Variants in CPED1 observed in about 807,000 individuals in gnomAD.
CPED1 encodes cadherin like and PC-esterase domain containing 1.
Under a neutral mutation model 128.2 loss-of-function variants are expected in CPED1, and 114 were observed. The observed-to-expected ratio is 0.89, with a 90% confidence interval of 0.76 to 1.04. The LOEUF (loss-of-function observed/expected upper bound fraction) is 1.04. Ranked by LOEUF, CPED1 falls within the 50% of genes least tolerant of loss-of-function variation. The pLI is 0.00. For synonymous variants in CPED1, 462 were observed against 426.7 expected (o/e 1.08, Z -1.02); for missense variants, 1,211 against 1,207.1 (o/e 1.00, Z -0.05).
chr7:121,215,626 ATT>A (rs1247953062), intron 16 of CPED1, among the ~76,000 whole-genome samples: 1 of 152,024 alleles, frequency 6.6e-6, no homozygotes, highest in Non-Finnish European at 1.5e-5. Flanking sequence ...ATTAGTTGAG[ATT>A]TGTCTTCATA....
At chr7:121,284,188 T>C (rs1009848620) in intron 22 of CPED1, among the ~76,000 whole-genome samples, 1 of 152,100 alleles carries the variant, frequency 6.6e-6, no homozygotes, top group East Asian at 1.9e-4. Flanking sequence ...GGGGGAAAAG[T>C]CCCTTATAAA....
chr7:121,260,559 T>C (rs1008967552), intron 18 of CPED1, among the ~76,000 whole-genome samples: 2 of 152,062 alleles, frequency 1.3e-5, no homozygotes, highest in African/African-American at 4.8e-5. Context: ...CTCATCAGTA[T>C]CACTGTAGAG....
intron 16 of CPED1, among the ~76,000 whole-genome samples, chr7:121,148,063 C>T (rs1209893782): frequency 2.6e-5 from 4 of 152,058 alleles, no homozygotes; most frequent in Non-Finnish European, 5.9e-5. Flanking sequence ...GTGCATTTAT[C>T]AGTAATTATT....
At chr7:121,254,662 A>C (rs1042496200) in intron 18 of CPED1, among the ~76,000 whole-genome samples, 2 of 152,038 alleles carry the variant, frequency 1.3e-5, no homozygotes, top group Admixed American at 6.6e-5. Flanking sequence ...TAGACTAACT[A>C]GATTAACAAC....
At chr7:121,100,852 G>T (rs1794832443) in intron 7 of CPED1, among the ~76,000 whole-genome samples, 1 of 152,042 alleles carries the variant, frequency 6.6e-6, no homozygotes, top group Non-Finnish European at 1.5e-5. Context: ...TTCATAAACT[G>T]AATTTTGAAT....
At chr7:121,041,179 G>A (rs963786771) in intron 3 of CPED1, among the ~76,000 whole-genome samples, 1 of 151,748 alleles carries the variant, frequency 6.6e-6, no homozygotes, top group African/African-American at 2.4e-5. Context: ...ACTTGCTTTT[G>A]ATTTAATTAT....
At chr7:121,051,493 A>G (rs1793353875) in intron 4 of CPED1, 1 of 464,912 alleles carries the variant, frequency 2.2e-6, no homozygotes, top group South Asian at 1.6e-5. Flanking sequence ...TTAACATTCC[A>G]TAGATGGGGG....
intron 7 of CPED1, among the ~76,000 whole-genome samples, chr7:121,107,377 G>A (rs994282181): frequency 5.3e-5 from 8 of 152,016 alleles, no homozygotes; most frequent in Non-Finnish European, 1.5e-5. Context: ...AAACCAAGAG[G>A]AAAAATCTAC....
intron 7 of CPED1, among the ~76,000 whole-genome samples, chr7:121,109,754 A>G (rs1341316767): frequency 3.3e-5 from 5 of 152,190 alleles, no homozygotes; most frequent in Admixed American, 1.3e-4. Flanking sequence ...TACTCAGATT[A>G]TCTACATGAA....
intron 3 of CPED1, among the ~76,000 whole-genome samples, chr7:121,044,694 A>G (rs1389426882): frequency 1.0e-5 from 1 of 97,234 alleles, no homozygotes; most frequent in Non-Finnish European, 2.1e-5. Flanking sequence ...TACTTTGAGT[A>G]CAATGTTCTG....
At chr7:121,020,302 A>C (rs1187685807) in intron 3 of CPED1, among the ~76,000 whole-genome samples, 1 of 152,042 alleles carries the variant, frequency 6.6e-6, no homozygotes, top group African/African-American at 2.4e-5. Flanking sequence ...GGCAAACTAT[A>C]GTCCACTGGC....
rs1472490988 is a variant in CPED1, at chr7:121,261,794, AC to A, written c.2311-4431del. The A allele has an allele frequency of 7.4e-6, 11 of 1,477,650 alleles. No homozygotes were observed. The Admixed American group carries it at 8.9e-5, about 12-fold the overall frequency. The allele number at this position is 1,477,650 out of a possible 1,614,324, so 91.5% of individuals were successfully genotyped here. ...GAGTAATAAACTTTAATTGGGTTTG[AC>A]CTATTCCAAGTTTTTTGGGCTATCT... On this transcript the variant is annotated intron_variant, in intron 18 of 22. Transcript: ENST00000310396.
chr7:121,141,072 G>A, intron 15 of CPED1, 59 bp downstream of exon 15: 5 of 1,373,880 alleles, frequency 3.6e-6, no homozygotes, highest in Non-Finnish European at 4.8e-6. Context: ...GACATTTGAT[G>A]CAAACTTTGA....
intron 7 of CPED1, among the ~76,000 whole-genome samples, chr7:121,120,995 A>AC (rs1795372325): frequency 6.7e-6 from 1 of 150,194 alleles, no homozygotes; most frequent in African/African-American, 2.4e-5. Flanking sequence ...AAACAAAAAA[A>AC]CTCACAGTCT....
At chr7:121,242,413 A>G (rs1332334806) in intron 17 of CPED1, among the ~76,000 whole-genome samples, 1 of 152,184 alleles carries the variant, frequency 6.6e-6, no homozygotes, top group Admixed American at 6.5e-5. Context: ...GAATATTCCT[A>G]GCATTTGGGA....
intron 18 of CPED1, among the ~76,000 whole-genome samples, chr7:121,253,903 C>A (rs1798745111): frequency 6.6e-6 from 1 of 152,046 alleles, no homozygotes; most frequent in Non-Finnish European, 1.5e-5. Flanking sequence ...AATATTGAAG[C>A]ACCTAGATTC....
intron 12 of CPED1, 97 bp from the exon 13 acceptor site, chr7:121,133,726 C>T (rs1419979599): frequency 5.2e-6 from 4 of 768,396 alleles, no homozygotes; most frequent in Admixed American, 2.7e-5. Context: ...ATCAAAGTAA[C>T]TGTGCCCATA....
intron 22 of CPED1, among the ~76,000 whole-genome samples, chr7:121,275,949 A>C (rs560547025): frequency 3.2e-4 from 48 of 151,638 alleles, no homozygotes; most frequent in Non-Finnish European, 6.0e-4. Context: ...AAAAAAAAAA[A>C]CTGAAATAAT....
intron 18 of CPED1, among the ~76,000 whole-genome samples, chr7:121,258,849 GAATA>G (rs1167167822): frequency 6.6e-6 from 1 of 152,002 alleles, no homozygotes; most frequent in Admixed American, 6.6e-5. Context: ...CTGTTGCCAG[GAATA>G]AATAGTTCAA....
Sources: allele counts gnomAD v4.1 joint callset (sites outside exome capture counted in the v4.1 genomes callset), GRCh38; gene constraint gnomAD v4.1.1; transcripts MANE v1.5; gene names NCBI Gene and HGNC (gene_info 2026-07-23, HGNC 2026-07-21).